KIAA1328: variants seen among roughly 807,000 people sequenced by gnomAD.
The protein encoded by KIAA1328 is protein hinderin.
In KIAA1328, 52 loss-of-function variants were observed where a neutral mutation model predicts 68.1. That is an observed-to-expected ratio of 0.76 (90% confidence interval 0.61 to 0.96). The LOEUF (loss-of-function observed/expected upper bound fraction) is 0.96, where lower values mean the gene tolerates loss of function less well. KIAA1328 is among the 40% of genes least tolerant of loss of function. KIAA1328 has a pLI of 0.00. For missense variants in KIAA1328, 641 were observed against 677.6 expected (o/e 0.95, Z 0.60); for synonymous variants, 232 against 239.4 (o/e 0.97, Z 0.28).
chr18:37,144,499 C>T (rs1261036214), intron 7 of KIAA1328, among the ~76,000 whole-genome samples: 2 of 151,890 alleles, frequency 1.3e-5, no homozygotes, highest in Non-Finnish European at 2.9e-5. Context: ...AAACTCTTTT[C>T]TAATACCAGC....
In KIAA1328 at chr18:37,060,303, T is replaced by C. The variant is rs562763495; in HGVS notation, c.577-6587T>C. ...CTTCATTTTTTATTTTCCATCTCTT[T>C]AACACTTATTTTGAATTATTTAAAG... On this transcript the variant is annotated intron_variant, in intron 6 of 9. Transcript: ENST00000280020. Among the ~76,000 whole-genome samples, 24 of 152,284 alleles carry C rather than the reference T, an allele frequency of 1.6e-4. No individual in the cohort carries two copies. The East Asian group carries it at 4.6e-3, about 29-fold the overall frequency.
intron 4 of KIAA1328, among the ~76,000 whole-genome samples, chr18:36,869,319 G>A (rs748014142): frequency 2.0e-5 from 3 of 151,962 alleles, no homozygotes; most frequent in Non-Finnish European, 1.5e-5. Flanking sequence ...TATTTCTTCT[G>A]GTTCTAACCA....
chr18:37,113,753 T>G (rs2058015688), intron 7 of KIAA1328, among the ~76,000 whole-genome samples: 1 of 152,194 alleles, frequency 6.6e-6, no homozygotes, highest in South Asian at 2.1e-4. Context: ...TGTGCTGTAT[T>G]CAGGAGACCC....
At chr18:37,102,594 C>T (rs895104474) in intron 7 of KIAA1328, among the ~76,000 whole-genome samples, 5 of 152,038 alleles carry the variant, frequency 3.3e-5, no homozygotes, top group Non-Finnish European at 5.9e-5. Context: ...TTAATAAACG[C>T]CATGTATGAC....
chr18:37,002,916 A>G (rs990876060), intron 6 of KIAA1328, among the ~76,000 whole-genome samples: 2 of 152,280 alleles, frequency 1.3e-5, no homozygotes, highest in Admixed American at 6.5e-5. Context: ...GAGGTGTCAC[A>G]TTACCTGACT....
intron 5 of KIAA1328, among the ~76,000 whole-genome samples, chr18:36,892,806 T>C (rs2151005330): frequency 6.6e-6 from 1 of 152,332 alleles, no homozygotes; most frequent in East Asian, 1.9e-4. Context: ...AAGAAAGAAC[T>C]GATTGTTACT....
chr18:36,946,320 C>G (rs528076569), intron 5 of KIAA1328: 3 of 152,266 alleles, frequency 2.0e-5, no homozygotes, highest in Admixed American at 2.0e-4. Context: ...GCAAAGGAGT[C>G]CAATAATGTA....
chr18:36,845,145 T>C (rs990349283), intron 4 of KIAA1328, among the ~76,000 whole-genome samples: 8 of 151,604 alleles, frequency 5.3e-5, no homozygotes, highest in African/African-American at 1.9e-4. Flanking sequence ...TATAAAAAAG[T>C]GATGTTTTGG....
chr18:36,942,449 A>T (rs2151190608), intron 5 of KIAA1328, among the ~76,000 whole-genome samples: 1 of 152,332 alleles, frequency 6.6e-6, no homozygotes, highest in East Asian at 1.9e-4. Flanking sequence ...TCAGTTCCAC[A>T]GGCAGTAGGG....
chr18:36,928,973 T>G (rs2050219487), intron 5 of KIAA1328, among the ~76,000 whole-genome samples: 1 of 152,216 alleles, frequency 6.6e-6, no homozygotes, highest in African/African-American at 2.4e-5. Context: ...TCCCATACTG[T>G]ATCCAGCTTC....
At chr18:37,109,404 A>G (rs1334568378) in intron 7 of KIAA1328, among the ~76,000 whole-genome samples, 1 of 152,184 alleles carries the variant, frequency 6.6e-6, no homozygotes, top group Non-Finnish European at 1.5e-5. Flanking sequence ...ATAGCCTAAG[A>G]ATTAGCTTTT....
intron 7 of KIAA1328, among the ~76,000 whole-genome samples, chr18:37,144,957 G>T (rs72894344): frequency 6.6e-6 from 1 of 152,038 alleles, no homozygotes; most frequent in Non-Finnish European, 1.5e-5. Context: ...TTAATAGGCC[G>T]GTTTTGGTGG....
intron 6 of KIAA1328, among the ~76,000 whole-genome samples, chr18:36,970,262 A>G (rs1181644318): frequency 6.6e-6 from 1 of 152,216 alleles, no homozygotes; most frequent in Non-Finnish European, 1.5e-5. Context: ...ACACCCCTTT[A>G]TGCTACAGAC....
chr18:36,961,011 A>T (rs924230621), intron 6 of KIAA1328, among the ~76,000 whole-genome samples: 2 of 152,148 alleles, frequency 1.3e-5, no homozygotes, highest in African/African-American at 4.8e-5. Flanking sequence ...ATAATAACAC[A>T]CTTCTCTGAG....
At chr18:37,111,696 G>A (rs560880484) in intron 7 of KIAA1328, among the ~76,000 whole-genome samples, 2 of 152,280 alleles carry the variant, frequency 1.3e-5, no homozygotes, top group Admixed American at 1.3e-4. Context: ...GTGTAGCCCT[G>A]GGAGTATGAG....
At chr18:37,168,948 G>A (rs2059441771) in intron 8 of KIAA1328, among the ~76,000 whole-genome samples, 1 of 150,278 alleles carries the variant, frequency 6.7e-6, no homozygotes, top group Admixed American at 6.6e-5. Flanking sequence ...TGAACTCTAA[G>A]AAAAAAAAAT....
chr18:36,871,096 T>C (rs1459045002), intron 4 of KIAA1328, among the ~76,000 whole-genome samples: 1 of 152,160 alleles, frequency 6.6e-6, no homozygotes, highest in Non-Finnish European at 1.5e-5. Context: ...TAGCTCTCAA[T>C]TGGAAATTGA....
At chr18:37,095,419 CAA>C (rs1203937588) in intron 7 of KIAA1328, among the ~76,000 whole-genome samples, 4 of 151,952 alleles carry the variant, frequency 2.6e-5, no homozygotes, top group Admixed American at 1.3e-4. Context: ...AAGTCAATAA[CAA>C]GAGGAACTAT....
chr18:37,077,910 A>C (rs2056803342), intron 7 of KIAA1328, among the ~76,000 whole-genome samples: 1 of 152,056 alleles, frequency 6.6e-6, no homozygotes, highest in Admixed American at 6.6e-5. Context: ...TGCCCAAGGT[A>C]ATTTATAGAT....
Sources: gnomAD v4.1 joint callset for allele counts (sites outside exome capture counted in the v4.1 genomes callset) on GRCh38, gnomAD v4.1.1 for gene constraint, MANE v1.5 for transcripts, NCBI Gene and HGNC (gene_info 2026-07-23, HGNC 2026-07-21) for gene names.